Variants in BNC2 observed in about 807,000 individuals in gnomAD.
BNC2 encodes zinc finger protein basonuclin-2.
A neutral mutation model predicts 76.3 loss-of-function variants in BNC2; 20 were observed. The ratio of observed to expected loss-of-function variants is 0.26; its 90% CI spans 0.18 to 0.38. BNC2 has a LOEUF of 0.38. Ranked by LOEUF, BNC2 falls within the 10% of genes least tolerant of loss-of-function variation. The pLI is 1.00. For synonymous variants in BNC2, 582 were observed against 514.8 expected, an observed-to-expected ratio of 1.13 and a Z score of -1.77; for missense variants, 1,382 against 1,399.8, an observed-to-expected ratio of 0.99 and a Z score of 0.20.
intron 6 of BNC2, among the ~76,000 whole-genome samples, chr9:16,421,970 C>T (rs1820719815): frequency 1.3e-5 from 2 of 152,188 alleles, no homozygotes; most frequent in Admixed American, 1.3e-4. Flanking sequence ...GCAGTTACCA[C>T]TTCCTAGGTT....
intron 3 of BNC2, among the ~76,000 whole-genome samples, chr9:16,698,777 T>C (rs1239671610): frequency 6.6e-6 from 1 of 152,098 alleles, no homozygotes; most frequent in Non-Finnish European, 1.5e-5. Flanking sequence ...AAAAGTCACA[T>C]ATACATGTAA....
chr9:16,724,315 A>C (rs537656388), intron 3 of BNC2, among the ~76,000 whole-genome samples: 3 of 152,084 alleles, frequency 2.0e-5, no homozygotes, highest in African/African-American at 7.2e-5. Flanking sequence ...AAATAGAAGA[A>C]TTGCCTCCTC....
intron 1 of BNC2, among the ~76,000 whole-genome samples, chr9:16,865,507 G>A (rs1382072400): frequency 2.0e-5 from 3 of 152,158 alleles, no homozygotes; most frequent in Non-Finnish European, 4.4e-5. Context: ...GATTGCAACT[G>A]TGAAATGGCC....
chr9:16,793,801 G>T (rs944790443), intron 1 of BNC2, among the ~76,000 whole-genome samples: 1 of 150,592 alleles, frequency 6.6e-6, no homozygotes, highest in Non-Finnish European at 1.5e-5. Flanking sequence ...GAGTAGCTGG[G>T]ACTGGGACTG....
intron 3 of BNC2, among the ~76,000 whole-genome samples, chr9:16,613,018 G>A (rs888808295): frequency 3.3e-5 from 5 of 152,158 alleles, no homozygotes; most frequent in South Asian, 4.1e-4. Flanking sequence ...CCAATGGTAC[G>A]GAGGTAAAGC....
chr9:16,588,008 G>A (rs1819820569), intron 3 of BNC2, among the ~76,000 whole-genome samples: 1 of 152,108 alleles, frequency 6.6e-6, no homozygotes, highest in Non-Finnish European at 1.5e-5. Context: ...TTCCATGAGG[G>A]CAGGATAGAC....
chr9:16,550,654 T>C (rs1168742186), intron 5 of BNC2, among the ~76,000 whole-genome samples: 2 of 152,204 alleles, frequency 1.3e-5, no homozygotes, highest in African/African-American at 2.4e-5. Context: ...ACAATGTATA[T>C]GCTTGTGTCT....
intron 5 of BNC2, among the ~76,000 whole-genome samples, chr9:16,539,745 GAAGGGAAGGAAAGGAAAGGAAAAGA>G: frequency 1.2e-5 from 1 of 80,608 alleles, no homozygotes; most frequent in Non-Finnish European, 2.5e-5. Context: ...AAAGGGAAGG[GAAGGGAAGGAAAGGAAAGGAAAAGA>G]AAGGAAAGGA....
intron 3 of BNC2, among the ~76,000 whole-genome samples, chr9:16,625,518 A>G (rs912291571): frequency 1.3e-5 from 2 of 152,202 alleles, no homozygotes; most frequent in Non-Finnish European, 2.9e-5. Flanking sequence ...GGGGGAAATA[A>G]GGAAACAGGG....
At chr9:16,591,468 TCTATC>T (rs1819926970) in intron 3 of BNC2, among the ~76,000 whole-genome samples, 1 of 152,204 alleles carries the variant, frequency 6.6e-6, no homozygotes, top group Non-Finnish European at 1.5e-5. Flanking sequence ...ACCTAAAACG[TCTATC>T]TAATTCTGAC....
intron 3 of BNC2, among the ~76,000 whole-genome samples, chr9:16,599,500 G>GAGGCC (rs1170006492): frequency 6.6e-6 from 1 of 152,156 alleles, no homozygotes; most frequent in Non-Finnish European, 1.5e-5. Context: ...AAAGCAGTTT[G>GAGGCC]AGGCCAGGCG....
chr9:16,541,086 C>T (rs1318477267), intron 5 of BNC2, among the ~76,000 whole-genome samples: 1 of 152,142 alleles, frequency 6.6e-6, no homozygotes, highest in African/African-American at 2.4e-5. Flanking sequence ...CCTTCAGGTG[C>T]CCTAGGTCTG....
chr9:16,571,313 T>G (rs552391184), intron 4 of BNC2, among the ~76,000 whole-genome samples: 1 of 152,264 alleles, frequency 6.6e-6, no homozygotes, highest in South Asian at 2.1e-4. Flanking sequence ...CCTCACCATG[T>G]CTCACATTGT....
At chr9:16,528,621 C>A (rs960312682) in intron 5 of BNC2, among the ~76,000 whole-genome samples, 12 of 152,112 alleles carry the variant, frequency 7.9e-5, no homozygotes, top group African/African-American at 2.9e-4. Flanking sequence ...ACATAATGAC[C>A]TGGCAATTCT....
chr9:16,552,475 C>G (rs1818693437), intron 5 of BNC2, 55 bp downstream of exon 5: 5 of 1,505,402 alleles, frequency 3.3e-6, no homozygotes, highest in Non-Finnish European at 4.6e-6. Flanking sequence ...GACTCTCACC[C>G]TTCCCCACCC....
chr9:16,715,403 G>C (rs1040196961), intron 3 of BNC2, among the ~76,000 whole-genome samples: 4 of 152,148 alleles, frequency 2.6e-5, no homozygotes, highest in Non-Finnish European at 5.9e-5. Context: ...GTTGATCCCA[G>C]TGGGGAATTC....
At chr9:16,461,423 G>C (rs761648606) in intron 5 of BNC2, among the ~76,000 whole-genome samples, 1 of 152,262 alleles carries the variant, frequency 6.6e-6, no homozygotes, top group Non-Finnish European at 1.5e-5. Context: ...TTTATGCTGT[G>C]ATAAGAGGCA....
At chr9:16,733,364 A>T (rs1011010502) in intron 2 of BNC2, among the ~76,000 whole-genome samples, 1 of 152,218 alleles carries the variant, frequency 6.6e-6, no homozygotes, top group African/African-American at 2.4e-5. Context: ...TTCATTTTCT[A>T]TGTGAAGTTA....
chr9:16,579,274 T>C (rs941726222), intron 4 of BNC2, among the ~76,000 whole-genome samples: 13 of 135,686 alleles, frequency 9.6e-5, no homozygotes, highest in Admixed American at 3.5e-4. Flanking sequence ...TAATCACTCT[T>C]TAATTTATTA....
Sources: allele counts gnomAD v4.1 joint callset (sites outside exome capture counted in the v4.1 genomes callset), GRCh38; gene constraint gnomAD v4.1.1; transcripts MANE v1.5; gene names NCBI Gene and HGNC (gene_info 2026-07-23, HGNC 2026-07-21).